Variants in PLA2G12B observed in about 807,000 individuals in gnomAD.
The protein encoded by PLA2G12B is phospholipase A2 group XIIB.
PLA2G12B carries 19 observed loss-of-function variants against 22.3 expected under a neutral mutation model. The ratio of observed to expected loss-of-function variants is 0.85; its 90% CI spans 0.60 to 1.25. The LOEUF (loss-of-function observed/expected upper bound fraction) is 1.25, where lower values mean the gene tolerates loss of function less well. PLA2G12B is among the 50% of genes most tolerant of loss of function. The pLI, the probability that PLA2G12B is intolerant of heterozygous loss-of-function variation, is 0.00. For missense variants in PLA2G12B, 191 were observed against 246.6 expected, an observed-to-expected ratio of 0.77 and a Z score of 1.51; for synonymous variants, 81 against 94.9, an observed-to-expected ratio of 0.85 and a Z score of 0.85.
Position 72,935,750 on chromosome 10 carries a change from T to C in PLA2G12B, c.467-12A>G, listed in dbSNP as rs1268530809. On this transcript the variant is annotated splice_polypyrimidine_tract_variant and intron_variant, in intron 3 of 3. Transcript: ENST00000373032. The stretch of plus-strand genomic sequence containing the variant: ...GGAATCACAGGCTGCTTGAAAAAGA[T>C]GAAGAGGGACAGAAAGGTTAACCCT... 2 of 1,613,218 alleles carry C rather than the reference T, an allele frequency of 1.2e-6. No homozygotes were observed. The highest frequency in any genetic ancestry group is 2.2e-5 in the South Asian group (2 of 90,888).
In PLA2G12B at chr10:72,954,642, C is replaced by G. The variant is rs752092519; in HGVS notation, c.44G>C (p.Gly15Ala). 1 of 1,614,110 alleles carries G rather than the reference C, an allele frequency of 6.2e-7. No individual in the cohort carries two copies. Among genetic ancestry groups the G allele is most frequent in the Non-Finnish European group, 8.5e-7 (1 of 1,180,026 alleles). ...SGFLVLWLSL[G>A]GGLAQSDTSP... The stretch of plus-strand genomic sequence containing the variant: ...CGTGTCGCTCTGAGCCAGGCCACCC[C>G]CAAGGCTGAGCCACAAAACCAAGAA... Residue 15 changes from glycine to alanine, a missense_variant, in exon 1 of 4, where the codon GGG (glycine) becomes GCG (alanine). Gly to Ala is a moderately conservative substitution (Grantham distance 60, BLOSUM62 0). Coordinates refer to ENST00000373032, the MANE Select transcript of PLA2G12B (RefSeq NM_032562.5).
chr10:72,936,062 T>C (rs1370891280), intron 3 of PLA2G12B, among the ~76,000 whole-genome samples: 66 of 152,252 alleles, frequency 4.3e-4, no homozygotes, highest in Non-Finnish European at 7.4e-5. Flanking sequence ...TTCCCATAGC[T>C]TTCCCATCTA....
chr10:72,942,543 T>C lies in PLA2G12B; in HGVS notation c.300+109A>G, dbSNP rs1218548524. 3.5e-6 allele frequency: 3 copies of C among 852,918 alleles called. No homozygotes were observed. The African/African-American group carries it at 5.2e-5, about 15-fold the overall frequency. 52.8% of individuals were successfully genotyped at this position (852,918 alleles called of 1,614,324 possible). ...CTCATATCCAATTTAAAATACTTAA[T>C]TGTATTCTTCAACTTTTTTCCAGAA... On this transcript the variant is annotated intron_variant, in intron 2 of 3. Transcript: ENST00000373032.
chr10:72,950,699 C>G (rs1846516752), intron 1 of PLA2G12B, among the ~76,000 whole-genome samples: 1 of 152,170 alleles, frequency 6.6e-6, no homozygotes, highest in Non-Finnish European at 1.5e-5. Context: ...AGGCTAGTCT[C>G]AAACTCCTGA....
intron 1 of PLA2G12B, among the ~76,000 whole-genome samples, chr10:72,944,567 T>C (rs1309130102): frequency 1.3e-5 from 2 of 152,232 alleles, no homozygotes; most frequent in Non-Finnish European, 2.9e-5. Flanking sequence ...TTCCCAAATA[T>C]GGACACGGTA....
chr10:72,943,963 C>T (rs764622471), intron 1 of PLA2G12B, among the ~76,000 whole-genome samples: 1 of 151,874 alleles, frequency 6.6e-6, no homozygotes, highest in Non-Finnish European at 1.5e-5. Flanking sequence ...TTCTTTCTTT[C>T]TTTTCTTTCT....
Position 72,942,763 on chromosome 10 carries a change from GAAGC to G in PLA2G12B, c.212-27_212-24del, listed in dbSNP as rs1426827489. On this transcript the variant is annotated intron_variant, in intron 1 of 3. Transcript: ENST00000373032. ...TTCCTTGCAGGAGGAAGAAAGGAAA[GAAGC>G]AAGAAGAAATATTTAGAAATCAAGC... The G allele has an allele frequency of 2.0e-6, 3 of 1,526,846 alleles. No individual in the cohort carries two copies. In the Admixed American group the frequency reaches 6.0e-5, roughly 30 times the overall value. 94.6% of individuals were successfully genotyped at this position (1,526,846 alleles called of 1,614,324 possible).
At chr10:72,947,863 C>T (rs189620085) in intron 1 of PLA2G12B, among the ~76,000 whole-genome samples, 1 of 152,268 alleles carries the variant, frequency 6.6e-6, no homozygotes, top group East Asian at 1.9e-4. Context: ...TGCAGACGGC[C>T]TTGTCTTCTC....
chr10:72,950,720 TC>T, intron 1 of PLA2G12B, among the ~76,000 whole-genome samples: 1 of 152,330 alleles, frequency 6.6e-6, no homozygotes, highest in East Asian at 1.9e-4. Flanking sequence ...CCTCAAATGA[TC>T]CGCCGGCCTC....
intron 3 of PLA2G12B, among the ~76,000 whole-genome samples, chr10:72,938,552 G>C (rs1013893966): frequency 2.0e-5 from 3 of 151,904 alleles, no homozygotes; most frequent in Non-Finnish European, 2.9e-5. Context: ...TAAATAATCT[G>C]AAAATAAAAT....
At position 72,941,269 on chromosome 10, in the gene PLA2G12B, G is replaced by T. The variant is rs141448551; in HGVS notation, c.366C>A (p.Cys122Ter). The T allele has an allele frequency of 6.2e-7, 1 of 1,613,542 alleles. No individual in the cohort carries two copies. The highest frequency in any genetic ancestry group is 1.7e-5 in the Admixed American group (1 of 60,016). ...CATCACAGCGATATTTGTTGGCACCGCAAGTGTCATAACAGACATCCAGCT... is the reference window on the plus strand; with the variant it reads ...CATCACAGCGATATTTGTTGGCACCTCAAGTGTCATAACAGACATCCAGCT... ...CNQLDVCYDT[C>*]GANKYRCDAK... Residue 122 changes from cysteine to a stop codon, truncating the protein, a stop_gained, in exon 3 of 4, where the codon TGC becomes TGA. Coordinates refer to ENST00000373032, the MANE Select transcript of PLA2G12B (RefSeq NM_032562.5). LOFTEE classifies it high-confidence loss of function.
intron 1 of PLA2G12B, among the ~76,000 whole-genome samples, chr10:72,951,987 T>G (rs145322133): frequency 4.7e-4 from 71 of 152,280 alleles, no homozygotes; most frequent in African/African-American, 1.6e-3. Flanking sequence ...GGGCTGAAGT[T>G]CTCTAAGAAT....
chr10:72,948,255 C>T (rs771269074), intron 1 of PLA2G12B, among the ~76,000 whole-genome samples: 1 of 152,186 alleles, frequency 6.6e-6, no homozygotes, highest in Non-Finnish European at 1.5e-5. Context: ...GGGTTACCCT[C>T]TGCCTTTTTG....
chr10:72,935,645 C>T lies in PLA2G12B; in HGVS notation c.560G>A (p.Cys187Tyr), dbSNP rs1445846598. The change falls in exon 4 of 4, where the codon TGT becomes TAT. Residue 187 changes from cysteine to tyrosine, a missense_variant. Physicochemically the swap from Cys to Tyr is radical, Grantham distance 194. Coordinates refer to ENST00000373032, the MANE Select transcript of PLA2G12B (RefSeq NM_032562.5). ...FMNSQRAACI[C>Y]AEEEKEEL ...TAACTCTTCCTTCTCCTCCTCTGCA[C>T]AGATGCAAGCTGCCCGCTGACTATT... The T allele has an allele frequency of 1.2e-6, 2 of 1,614,090 alleles. No homozygotes were observed. Among genetic ancestry groups the T allele is most frequent in the Admixed American group, 3.3e-5 (2 of 60,004 alleles).
chr10:72,935,619 A>G lies in PLA2G12B; in HGVS notation c.586T>C (p.Ter196ArgextTer56). 6.2e-7 allele frequency: 1 copy of G among 1,614,016 alleles called. No homozygotes were observed. The highest frequency in any genetic ancestry group is 1.7e-4 in the Middle Eastern group (1 of 6,060). Reference protein sequence around the residue: ...ICAEEEKEEL* With the variant: ...ICAEEEKEELR ...ACCAGGAAGGAATCACTTCTTCCTC[A>G]TAACTCTTCCTTCTCCTCCTCTGCA... Residue 196 changes from the stop codon to arginine (R), a stop_lost, in exon 4 of 4, where the codon TGA becomes CGA. Transcript: ENST00000373032.
chr10:72,939,501 C>T (rs181619987), intron 3 of PLA2G12B, among the ~76,000 whole-genome samples: 2 of 152,152 alleles, frequency 1.3e-5, no homozygotes, highest in African/African-American at 4.8e-5. Flanking sequence ...TTTGATTCAC[C>T]GGGTTGGAAA....
chr10:72,954,733 G>GT lies in PLA2G12B; in HGVS notation c.-49dup. ...CTTCTCTCCTCAAACCCCAGCCAGTGTCCCAGAATTCCAGGGACAAACCCC... is the reference window on the plus strand; with the variant it reads ...CTTCTCTCCTCAAACCCCAGCCAGTGTTCCCAGAATTCCAGGGACAAACCCC... On this transcript the variant is annotated 5_prime_UTR_variant, in exon 1 of 4. Coordinates refer to ENST00000373032, the MANE Select transcript of PLA2G12B (RefSeq NM_032562.5). 1 of 1,595,274 alleles carries GT rather than the reference G, an allele frequency of 6.3e-7. No homozygotes were observed. The highest frequency in any genetic ancestry group is 1.1e-5 in the South Asian group (1 of 90,552).
intron 1 of PLA2G12B, among the ~76,000 whole-genome samples, chr10:72,947,206 T>C (rs1846458007): frequency 1.3e-5 from 2 of 152,206 alleles, no homozygotes; most frequent in African/African-American, 4.8e-5. Context: ...ATTACAGGCA[T>C]GAGCCACTGT....
chr10:72,950,511 C>T lies in PLA2G12B; in HGVS notation c.211+3964G>A, dbSNP rs148463059. On this transcript the variant is annotated intron_variant, in intron 1 of 3. Transcript: ENST00000373032. ...TTTGTTTATTTTTGAAACTTAATCT[C>T]GCTCTGTTGCCCAGGCTGGAGTGCA... is the stretch of plus-strand genomic sequence containing the variant. 1.2e-3 allele frequency among the ~76,000 whole-genome samples: 176 copies of T among 152,266 alleles called. 5 individuals carry two copies. In the East Asian group the frequency reaches 0.025, roughly 22 times the overall value.
Sources: allele counts gnomAD v4.1 joint callset (sites outside exome capture counted in the v4.1 genomes callset), GRCh38; gene constraint gnomAD v4.1.1; transcripts MANE v1.5; gene names NCBI Gene and HGNC (gene_info 2026-07-23, HGNC 2026-07-21).